The following FOXP1 variants were observed in gnomAD, a reference collection of about 807,000 sequenced individuals.
FOXP1 encodes forkhead box protein P1.
FOXP1 carries 15 observed loss-of-function variants against 98.2 expected under a neutral mutation model. The observed-to-expected ratio is 0.15, with a 90% confidence interval of 0.10 to 0.24. The LOEUF (loss-of-function observed/expected upper bound fraction) is 0.24, where lower values mean the gene tolerates loss of function less well. Ranked by LOEUF, FOXP1 falls within the 10% of genes least tolerant of loss-of-function variation. The probability of loss-of-function intolerance (pLI) is 1.00; values close to 1 mark genes in which losing one functional copy is unlikely to be tolerated. For missense variants in FOXP1, 633 were observed against 848.5 expected (o/e 0.75, Z 3.15); for synonymous variants, 371 against 314.5 (o/e 1.18, Z -1.90).
chr3:71,460,940 G>A (rs1271041463), intron 3 of FOXP1, among the ~76,000 whole-genome samples: 1 of 152,092 alleles, frequency 6.6e-6, no homozygotes, highest in Non-Finnish European at 1.5e-5. Context: ...GCCTTTGACT[G>A]TCGGGAATAG....
At chr3:71,535,539 TAAC>T (rs543028893) in intron 2 of FOXP1, among the ~76,000 whole-genome samples, 25 of 151,914 alleles carry the variant, frequency 1.6e-4, no homozygotes, top group Non-Finnish European at 2.7e-4. Flanking sequence ...AACCCATCTC[TAAC>T]AACAACAACA....
At chr3:71,527,052 G>A (rs866026602) in intron 2 of FOXP1, among the ~76,000 whole-genome samples, 6 of 151,486 alleles carry the variant, frequency 4.0e-5, no homozygotes, top group Admixed American at 6.6e-5. Context: ...GTATATGCAA[G>A]ACAAAATTGT....
At chr3:71,216,484 A>C (rs9819895) in intron 5 of FOXP1, among the ~76,000 whole-genome samples, 1 of 151,944 alleles carries the variant, frequency 6.6e-6, no homozygotes, top group Non-Finnish European at 1.5e-5. Flanking sequence ...GGCAGCTGCA[A>C]CGTGCTTCAG....
At chr3:71,094,904 T>G (rs2107627345) in intron 7 of FOXP1, among the ~76,000 whole-genome samples, 1 of 152,290 alleles carries the variant, frequency 6.6e-6, no homozygotes, top group East Asian at 1.9e-4. Flanking sequence ...TATAAACCAG[T>G]TTTGTCCAGA....
intron 6 of FOXP1, among the ~76,000 whole-genome samples, chr3:71,135,663 A>G (rs931158114): frequency 6.6e-6 from 1 of 152,220 alleles, no homozygotes; most frequent in African/African-American, 2.4e-5. Flanking sequence ...AACTGCAAAC[A>G]ACCCAGAAAA....
intron 5 of FOXP1, among the ~76,000 whole-genome samples, chr3:71,236,882 A>G (rs992987545): frequency 1.3e-5 from 2 of 151,512 alleles, no homozygotes; most frequent in African/African-American, 4.8e-5. Context: ...TAAGGAAAAA[A>G]AAAAGAAAAA....
At chr3:71,113,718 A>AAAATAAAATAAAATAAAATAAAATT (rs1294234487) in intron 6 of FOXP1, among the ~76,000 whole-genome samples, 2 of 146,004 alleles carry the variant, frequency 1.4e-5, no homozygotes, top group Non-Finnish European at 3.0e-5. Flanking sequence ...ATCTCAAAAT[A>AAAATAAAATAAAATAAAATAAAATT]AAATAAAATA....
At chr3:71,541,856 C>T (rs1177943872) in intron 2 of FOXP1, 1 of 429,386 alleles carries the variant, frequency 2.3e-6, no homozygotes, top group African/African-American at 2.1e-5. Flanking sequence ...AAAACACCTT[C>T]TAGATTATTT....
intron 2 of FOXP1, among the ~76,000 whole-genome samples, chr3:71,570,064 G>T (rs2047217725): frequency 6.6e-6 from 1 of 152,036 alleles, no homozygotes; most frequent in South Asian, 2.1e-4. Context: ...TTCTCTTCAT[G>T]GACAAAGGCG....
chr3:71,397,227 G>C (rs2081595106), intron 3 of FOXP1, among the ~76,000 whole-genome samples: 1 of 150,674 alleles, frequency 6.6e-6, no homozygotes, highest in South Asian at 2.1e-4. Context: ...GCAGTCCCTG[G>C]AATTGCATGA....
intron 3 of FOXP1, among the ~76,000 whole-genome samples, chr3:71,416,753 C>A (rs1475262041): frequency 6.6e-6 from 1 of 151,740 alleles, no homozygotes. Flanking sequence ...ATGCAAAGAC[C>A]CCGTGGTACC....
intron 2 of FOXP1, among the ~76,000 whole-genome samples, chr3:71,510,896 G>A (rs369164571): frequency 5.5e-4 from 84 of 152,150 alleles, no homozygotes; most frequent in African/African-American, 1.7e-3. Context: ...CTTGAACCAC[G>A]GCCTATAATT....
intron 2 of FOXP1, among the ~76,000 whole-genome samples, chr3:71,560,437 C>A (rs1264332012): frequency 6.6e-6 from 1 of 152,134 alleles, no homozygotes; most frequent in African/African-American, 2.4e-5. Context: ...ACACTGGAAC[C>A]CTTATATACT....
chr3:71,163,629 A>C (rs73839403), intron 6 of FOXP1, among the ~76,000 whole-genome samples: 3,592 of 152,192 alleles, frequency 0.024, 141 homozygotes, highest in African/African-American at 0.081. Context: ...AAACTTGTCA[A>C]CTCGATATTT....
At chr3:71,188,769 A>C (rs1456160301) in intron 6 of FOXP1, among the ~76,000 whole-genome samples, 1 of 152,184 alleles carries the variant, frequency 6.6e-6, no homozygotes. Context: ...TGTGGATAAT[A>C]AATTCTGAAA....
At chr3:71,120,807 A>C (rs2058705296) in intron 6 of FOXP1, among the ~76,000 whole-genome samples, 1 of 152,180 alleles carries the variant, frequency 6.6e-6, no homozygotes, top group Admixed American at 6.5e-5. Flanking sequence ...TTCCAATGTT[A>C]GGTTTCACAT....
chr3:71,092,077 A>G (rs1425063233), intron 7 of FOXP1, among the ~76,000 whole-genome samples: 1 of 152,152 alleles, frequency 6.6e-6, no homozygotes, highest in African/African-American at 2.4e-5. Context: ...AGTCCCAGCT[A>G]CTTGGGAGGC....
At chr3:71,435,274 A>G (rs62246022) in intron 3 of FOXP1, among the ~76,000 whole-genome samples, 3 of 426 alleles carry the variant, frequency 7.0e-3, no homozygotes, top group Admixed American at 0.024. Context: ...GAGGGAGGGA[A>G]GAAGGGAGGG....
chr3:71,361,193 G>C (rs1227100448), intron 3 of FOXP1, among the ~76,000 whole-genome samples: 1 of 152,112 alleles, frequency 6.6e-6, no homozygotes, highest in Non-Finnish European at 1.5e-5. Flanking sequence ...CTTAATTGGT[G>C]AACTCATTAA....
Sources: allele counts gnomAD v4.1 joint callset (sites outside exome capture counted in the v4.1 genomes callset), GRCh38; gene constraint gnomAD v4.1.1; transcripts MANE v1.5; gene names NCBI Gene and HGNC (gene_info 2026-07-23, HGNC 2026-07-21).